Variants in SRPK1 observed in about 807,000 individuals in gnomAD.
The protein encoded by SRPK1 is SFRS protein kinase 1.
Under a neutral mutation model 89.5 loss-of-function variants are expected in SRPK1, and 52 were observed. The ratio of observed to expected loss-of-function variants is 0.58; its 90% confidence interval spans 0.46 to 0.73. The LOEUF (loss-of-function observed/expected upper bound fraction) is 0.73, where lower values mean the gene tolerates loss of function less well. SRPK1 is among the 30% of genes least tolerant of loss of function. The pLI is 0.00. For synonymous variants in SRPK1, 255 were observed against 270.2 expected (o/e 0.94, Z 0.55); for missense variants, 603 against 780.6 (o/e 0.77, Z 2.71).
At chr6:35,899,523 C>T (rs75157758) in intron 2 of SRPK1, among the ~76,000 whole-genome samples, 4,952 of 152,236 alleles carry the variant, frequency 0.033, 97 homozygotes, top group Middle Eastern at 0.065. Context: ...ATGCCTAGAA[C>T]CGGGATGTGT....
chr6:35,841,323 C>G (rs1769300778), intron 14 of SRPK1, among the ~76,000 whole-genome samples: 1 of 152,126 alleles, frequency 6.6e-6, no homozygotes, highest in South Asian at 2.1e-4. Flanking sequence ...TTAGCAGGTC[C>G]TACTAACATT....
chr6:35,860,198 T>C (rs1769752142), intron 12 of SRPK1, among the ~76,000 whole-genome samples: 1 of 152,124 alleles, frequency 6.6e-6, no homozygotes, highest in Non-Finnish European at 1.5e-5. Flanking sequence ...GGTTTGAATG[T>C]TTGTCCCCTT....
chr6:35,898,591 G>A (rs1314589572), intron 2 of SRPK1, among the ~76,000 whole-genome samples: 1 of 152,116 alleles, frequency 6.6e-6, no homozygotes, highest in Non-Finnish European at 1.5e-5. Context: ...ATTTAGCCAT[G>A]CATGGTGGCA....
intron 6 of SRPK1, among the ~76,000 whole-genome samples, chr6:35,884,239 G>C: frequency 6.6e-6 from 1 of 152,092 alleles, no homozygotes; most frequent in East Asian, 1.9e-4. Flanking sequence ...ATAATGACTG[G>C]CTAATGTCAA....
intron 8 of SRPK1, 79 bp from the exon 9 acceptor site, chr6:35,871,038 C>A: frequency 1.6e-6 from 2 of 1,224,136 alleles, no homozygotes; most frequent in Non-Finnish European, 2.3e-6. Context: ...AAACACTCTA[C>A]CAGAATGAAA....
chr6:35,891,114 T>C (rs1770509654), intron 2 of SRPK1, 101 bp from the exon 3 acceptor site: 1 of 1,381,764 alleles, frequency 7.2e-7, no homozygotes, highest in Non-Finnish European at 9.5e-7. Context: ...TCAGATAATA[T>C]GAACAGAGTA....
chr6:35,838,162 C>A (rs534316481), intron 15 of SRPK1, among the ~76,000 whole-genome samples, 175 bp downstream of exon 15: 2 of 152,096 alleles, frequency 1.3e-5, no homozygotes, highest in African/African-American at 4.8e-5. Flanking sequence ...GCCACCGCGC[C>A]CGGCTCAGTC....
chr6:35,880,747 A>AAG (rs2127253055), intron 6 of SRPK1, among the ~76,000 whole-genome samples: 4 of 75,382 alleles, frequency 5.3e-5, no homozygotes, highest in Non-Finnish European at 8.9e-5. Context: ...AAAAAAAAAA[A>AAG]AAAGAAAAGA....
chr6:35,907,681 G>C (rs1770878407), intron 2 of SRPK1, among the ~76,000 whole-genome samples: 1 of 151,138 alleles, frequency 6.6e-6, no homozygotes, highest in Non-Finnish European at 1.5e-5. Context: ...CTCCAGCCTG[G>C]GCAATGAGAA....
chr6:35,843,172 G>A (rs9470129), intron 13 of SRPK1, among the ~76,000 whole-genome samples: 3,153 of 151,622 alleles, frequency 0.021, 119 homozygotes, highest in African/African-American at 0.072. Flanking sequence ...GTTTCACTGC[G>A]TTAGCCAGGA....
intron 6 of SRPK1, among the ~76,000 whole-genome samples, chr6:35,876,632 AC>A (rs1221453582): frequency 2.6e-5 from 4 of 152,136 alleles, no homozygotes; most frequent in Non-Finnish European, 5.9e-5. Flanking sequence ...ACACAGTGAC[AC>A]CCCGTCACAA....
In SRPK1 at chr6:35,886,749, A is replaced by G; in HGVS notation, c.453T>C (p.Phe151=). ...REMVVQLLDD[F]KISGVNGTHI... ...GTGTTCCATTAACTCCTGATATTTT[A>G]AAGTCATCTAGTAGTTGAACAACCA... The change falls in exon 6 of 16, where the codon TTT becomes TTC. Residue 151 remains phenylalanine, a synonymous_variant. Transcript: ENST00000373825. 1 of 1,607,020 alleles carries G rather than the reference A, an allele frequency of 6.2e-7. No homozygotes were observed. The highest frequency in any genetic ancestry group is 2.2e-5 in the East Asian group (1 of 44,780).
chr6:35,890,409 T>C (rs1770495076), intron 3 of SRPK1, among the ~76,000 whole-genome samples: 1 of 152,224 alleles, frequency 6.6e-6, no homozygotes. Flanking sequence ...ATACATTCCA[T>C]TTTGTGTTCC....
At chr6:35,867,933 T>C (rs979937087) in intron 12 of SRPK1, among the ~76,000 whole-genome samples, 1 of 152,182 alleles carries the variant, frequency 6.6e-6, no homozygotes, top group African/African-American at 2.4e-5. Context: ...AAGAAAATAC[T>C]TTTCTGAGTT....
At chr6:35,871,368 T>C (rs927854473) in intron 8 of SRPK1, among the ~76,000 whole-genome samples, 11 of 152,240 alleles carry the variant, frequency 7.2e-5, no homozygotes, top group Admixed American at 5.9e-4. Context: ...CAGCATGTCA[T>C]GGATAACAGT....
intron 4 of SRPK1, 43 bp from the exon 5 acceptor site, chr6:35,888,154 T>C: frequency 7.4e-7 from 1 of 1,343,944 alleles, no homozygotes; most frequent in Non-Finnish European, 1.0e-6. Context: ...TAGCCTACCC[T>C]TACTTTAGGA....
At chr6:35,842,668 T>C in intron 13 of SRPK1, 64 bp from the exon 14 acceptor site, 1 of 1,287,452 alleles carries the variant, frequency 7.8e-7, no homozygotes, top group Non-Finnish European at 1.1e-6. Context: ...GAAAGCTGAT[T>C]GCTATTTGGC....
Position 35,835,424 on chromosome 6 carries a change from A to G in SRPK1, c.1848T>C (p.Tyr616=), listed in dbSNP as rs1769157710. Residue 616 remains tyrosine, a synonymous_variant, in exon 16 of 16, where the codon TAT becomes TAC. Transcript: ENST00000373825. ...WGLFEVLVEK[Y]EWSQEEAAGF... Reference sequence around the variant, plus strand: ...CAGCTGCCTCTTCCTGCGACCACTCATACTTCTCCACTAGAACCTCAAAAA... The same window carrying G: ...CAGCTGCCTCTTCCTGCGACCACTCGTACTTCTCCACTAGAACCTCAAAAA... 2 of 1,613,694 alleles carry G rather than the reference A, an allele frequency of 1.2e-6. No homozygotes were observed. Among genetic ancestry groups the G allele is most frequent in the South Asian group, 2.2e-5 (2 of 91,008 alleles).
intron 6 of SRPK1, among the ~76,000 whole-genome samples, chr6:35,878,796 C>T (rs1285974595): frequency 6.6e-6 from 1 of 152,170 alleles, no homozygotes; most frequent in Non-Finnish European, 1.5e-5. Context: ...GACATTAAGA[C>T]TAGGACATTT....
Sources: gnomAD v4.1 joint callset for allele counts (sites outside exome capture counted in the v4.1 genomes callset) on GRCh38, gnomAD v4.1.1 for gene constraint, MANE v1.5 for transcripts, NCBI Gene and HGNC (gene_info 2026-07-23, HGNC 2026-07-21) for gene names.